The following TBC1D22A variants were observed in gnomAD, a reference collection of about 807,000 sequenced individuals.
TBC1D22A encodes TBC1 domain family member 22A.
Under a neutral mutation model 60.2 loss-of-function variants are expected in TBC1D22A, and 38 were observed. That is an observed-to-expected ratio of 0.63 (90% confidence interval 0.49 to 0.83). The LOEUF (loss-of-function observed/expected upper bound fraction) is 0.83. TBC1D22A is among the 40% of genes least tolerant of loss of function. TBC1D22A has a pLI of 0.00. For synonymous variants in TBC1D22A, 302 were observed against 281.7 expected (o/e 1.07, Z -0.72); for missense variants, 628 against 701.0 (o/e 0.90, Z 1.18).
intron 10 of TBC1D22A, among the ~76,000 whole-genome samples, chr22:47,031,603 C>A (rs1243415008): frequency 1.3e-5 from 2 of 152,184 alleles, no homozygotes; most frequent in African/African-American, 4.8e-5. Context: ...AAGGGTGGGT[C>A]CATGCTCAGC....
At chr22:47,133,592 T>C (rs562245074) in intron 12 of TBC1D22A, among the ~76,000 whole-genome samples, 106 of 152,296 alleles carry the variant, frequency 7.0e-4, no homozygotes, top group Non-Finnish European at 1.2e-3. Context: ...TTTTCGACAT[T>C]CGTTTTTAGG....
At chr22:46,868,306 G>C (rs1366185268) in intron 4 of TBC1D22A, among the ~76,000 whole-genome samples, 3 of 152,296 alleles carry the variant, frequency 2.0e-5, no homozygotes, top group East Asian at 3.9e-4. Flanking sequence ...GGGTGGTTCA[G>C]TATACACACA....
At chr22:46,937,499 T>C (rs1471747557) in intron 8 of TBC1D22A, among the ~76,000 whole-genome samples, 1 of 152,224 alleles carries the variant, frequency 6.6e-6, no homozygotes, top group Non-Finnish European at 1.5e-5. Context: ...CAGTTCATAA[T>C]ACTTGATCAT....
rs75931739 is a variant in TBC1D22A, at chr22:47,020,204, A to T, written c.1202-16867A>T. ...GGAGGAACAGCCTTGCAAACCACCA[A>T]GGCCACTAATGTGCTGCCCCTGCCT... On this transcript the variant is annotated intron_variant, in intron 10 of 12. Coordinates refer to ENST00000337137, the MANE Select transcript of TBC1D22A (RefSeq NM_014346.5). Among the ~76,000 whole-genome samples the T allele has an allele frequency of 2.0e-3, 310 of 152,316 alleles. 3 individuals carry two copies. Among genetic ancestry groups the T allele is most frequent in the African/African-American group, 7.2e-3 (300 of 41,558 alleles).
rs527722421 is a variant in TBC1D22A at position 46,803,621 on chromosome 22, C to T, written c.637+6001C>T. ...TGTGGGTGGGGGGTGCTTACACTTG[C>T]GCGTGTCTGTGTGTGTTCACCGTGC... is the stretch of plus-strand genomic sequence containing the variant. On this transcript the variant is annotated intron_variant, in intron 4 of 12. Transcript: ENST00000337137. Among the ~76,000 whole-genome samples, 44 of 152,288 alleles carry T rather than the reference C, an allele frequency of 2.9e-4. No homozygotes were observed. The East Asian group carries it at 6.2e-3, about 21-fold the overall frequency.
At chr22:47,052,847 C>A (rs73170409) in intron 11 of TBC1D22A, among the ~76,000 whole-genome samples, 1 of 152,210 alleles carries the variant, frequency 6.6e-6, no homozygotes, top group Non-Finnish European at 1.5e-5. Context: ...CGGTGGTGCC[C>A]GTCTGTGTTG....
chr22:47,077,698 C>T (rs767614750), intron 11 of TBC1D22A, among the ~76,000 whole-genome samples: 3 of 152,174 alleles, frequency 2.0e-5, no homozygotes, highest in Admixed American at 6.5e-5. Flanking sequence ...TGCAGAGCAC[C>T]GAAGGCTGCG....
rs189472382 is a variant in TBC1D22A at position 46,973,688 on chromosome 22, G to C, written c.1016-602G>C. ...AATATCTGATAAGCCATTTCAATTA[G>C]GCATCTGTTTTGCATTTTAAAAACT... On this transcript the variant is annotated intron_variant, in intron 8 of 12. Coordinates refer to ENST00000337137, the MANE Select transcript of TBC1D22A (RefSeq NM_014346.5). Among the ~76,000 whole-genome samples, 972 of 152,274 alleles carry C rather than the reference G, an allele frequency of 6.4e-3. 5 individuals carry two copies. Among genetic ancestry groups the C allele is most frequent in the Non-Finnish European group, 0.011 (716 of 68,020 alleles).
At chr22:47,123,826 G>T (rs1450110833) in intron 12 of TBC1D22A, among the ~76,000 whole-genome samples, 2 of 152,240 alleles carry the variant, frequency 1.3e-5, no homozygotes, top group African/African-American at 2.4e-5. Flanking sequence ...ATGTGTGAAA[G>T]TGTGGGGTTT....
chr22:46,953,568 T>C (rs1167475239), intron 8 of TBC1D22A, among the ~76,000 whole-genome samples: 1 of 152,266 alleles, frequency 6.6e-6, no homozygotes, highest in East Asian at 1.9e-4. Context: ...TTAACACTTT[T>C]TGTAGCTTTA....
rs2068997494 is a variant in TBC1D22A at position 46,901,562 on chromosome 22, C to G, written c.900+6716C>G. ...CATTTCTGCTCATCGCGAGAGAGTTCTACCCATTAATTAGGTTGTAAACAT... is the reference window on the plus strand; with the variant it reads ...CATTTCTGCTCATCGCGAGAGAGTTGTACCCATTAATTAGGTTGTAAACAT... On this transcript the variant is annotated intron_variant, in intron 7 of 12. Transcript: ENST00000337137. Among the ~76,000 whole-genome samples, 6 of 152,304 alleles carry G rather than the reference C, an allele frequency of 3.9e-5. No homozygotes were observed. In the South Asian group the frequency reaches 1.2e-3, roughly 32 times the overall value.
chr22:46,801,673 T>C lies in TBC1D22A; in HGVS notation c.637+4053T>C, dbSNP rs546678011. ...CCGTCTAGGGCCTGCCTCGCAGCAG[T>C]GGGGCCTCGGAGGGCAAACTGTGTG... On this transcript the variant is annotated intron_variant, in intron 4 of 12. Coordinates refer to ENST00000337137, the MANE Select transcript of TBC1D22A (RefSeq NM_014346.5). Among the ~76,000 whole-genome samples the C allele has an allele frequency of 1.1e-4, 16 of 152,296 alleles. No homozygotes were observed. The East Asian group carries it at 2.7e-3, about 26-fold the overall frequency.
chr22:46,871,791 C>G (rs1012281199), intron 4 of TBC1D22A, among the ~76,000 whole-genome samples: 3 of 151,892 alleles, frequency 2.0e-5, no homozygotes, highest in African/African-American at 7.3e-5. Context: ...AGAAGAAGAA[C>G]AAAAACCGAG....
intron 10 of TBC1D22A, among the ~76,000 whole-genome samples, chr22:47,007,586 A>G (rs1265875646): frequency 6.6e-6 from 1 of 152,048 alleles, no homozygotes; most frequent in African/African-American, 2.4e-5. Flanking sequence ...TGATGGTTCT[A>G]GCTGCTTTGG....
chr22:46,783,165 A>T (rs2084013768), intron 1 of TBC1D22A, among the ~76,000 whole-genome samples: 1 of 152,070 alleles, frequency 6.6e-6, no homozygotes, highest in Non-Finnish European at 1.5e-5. Context: ...GTGGTATCCG[A>T]TGGTGGTTTT....
Position 47,173,851 on chromosome 22 carries a change from C to G in TBC1D22A, c.*225C>G, listed in dbSNP as rs541293878. On this transcript the variant is annotated 3_prime_UTR_variant, in exon 13 of 13. Coordinates refer to ENST00000337137, the MANE Select transcript of TBC1D22A (RefSeq NM_014346.5). ...ATACCAAAGAGAGCCAGGGGAGGGC[C>G]CCGGGTTCGGCGGCCAGAGGCAGGT... 5.8e-5 allele frequency: 39 copies of G among 668,528 alleles called. No individual in the cohort carries two copies. Among genetic ancestry groups the G allele is most frequent in the Non-Finnish European group, 8.3e-5 (36 of 433,652 alleles). The allele number at this position is 668,528 out of a possible 1,614,324, so 41.4% of individuals were successfully genotyped here. A position where few individuals can be genotyped will look rare whatever the true frequency, so the allele number is the denominator to read the frequency against.
chr22:46,975,415 G>A (rs531755674), intron 9 of TBC1D22A, among the ~76,000 whole-genome samples: 4 of 152,298 alleles, frequency 2.6e-5, no homozygotes, highest in East Asian at 1.9e-4. Flanking sequence ...CCCAGAGCGC[G>A]GTTTGGGTCG....
chr22:46,962,925 G>C (rs2148064744), intron 8 of TBC1D22A, among the ~76,000 whole-genome samples: 1 of 152,188 alleles, frequency 6.6e-6, no homozygotes, highest in Middle Eastern at 3.4e-3. Flanking sequence ...AAAAGAATCA[G>C]TGCCTGGGCC....
intron 10 of TBC1D22A, among the ~76,000 whole-genome samples, chr22:47,015,962 A>G (rs2061898698): frequency 6.6e-6 from 1 of 152,030 alleles, no homozygotes; most frequent in South Asian, 2.1e-4. Context: ...GCAGCCCCCT[A>G]CCTGGTCTCC....
Sources: allele counts gnomAD v4.1 joint callset (sites outside exome capture counted in the v4.1 genomes callset), GRCh38; gene constraint gnomAD v4.1.1; transcripts MANE v1.5; gene names NCBI Gene and HGNC (gene_info 2026-07-23, HGNC 2026-07-21).